Variants in AKAP13 observed in about 807,000 individuals in gnomAD.
AKAP13 encodes the protein A-kinase anchoring protein 13.
In AKAP13, 80 loss-of-function variants were observed where a neutral mutation model predicts 264.5. The observed-to-expected ratio is 0.30, with a 90% CI of 0.25 to 0.36. The LOEUF is 0.36. Among genes scored for constraint, AKAP13 ranks in the 10% least tolerant of loss-of-function variants. The pLI is 1.00. For synonymous variants in AKAP13, 1,380 were observed against 1,250.2 expected (o/e 1.10, Z -2.19); for missense variants, 3,712 against 3,435.2 (o/e 1.08, Z -2.01).
chr15:85,606,090 C>CTTTTTTTTTT (rs369008646), intron 8 of AKAP13, among the ~76,000 whole-genome samples: 1,247 of 88,114 alleles, frequency 0.014, 160 homozygotes, highest in Non-Finnish European at 0.019. Flanking sequence ...GTTTGATCTA[C>CTTTTTTTTTT]TTTTTTTTTT....
chr15:85,464,032 G>T (rs1246886613), intron 1 of AKAP13, among the ~76,000 whole-genome samples: 1 of 152,150 alleles, frequency 6.6e-6, no homozygotes, highest in Non-Finnish European at 1.5e-5. Context: ...CCGAGGCCCT[G>T]TTCCTACTTC....
rs888063078 is a variant in AKAP13, at chr15:85,746,990, C to G, written c.*2313C>G. 1.3e-5 allele frequency: 2 copies of G among 152,246 alleles called. No individual in the cohort carries two copies. The highest frequency in any genetic ancestry group is 4.8e-5 in the African/African-American group (2 of 41,460). 9.4% of individuals were successfully genotyped at this position (152,246 alleles called of 1,614,324 possible). ...GACATCAATGTTAGAGGGTCTCTTA[C>G]TCCCCGCCCAGCTGTGATGTTTCAT... On this transcript the variant is annotated 3_prime_UTR_variant, in exon 37 of 37. Coordinates refer to ENST00000394518, the MANE Select transcript of AKAP13 (RefSeq NM_007200.5).
chr15:85,486,389 C>T (rs957249185), intron 2 of AKAP13, among the ~76,000 whole-genome samples: 6 of 151,988 alleles, frequency 3.9e-5, no homozygotes, highest in Non-Finnish European at 7.4e-5. Context: ...TTAGTTAGCT[C>T]TTACATTTAG....
intron 10 of AKAP13, among the ~76,000 whole-genome samples, chr15:85,648,452 G>A (rs911543588): frequency 6.6e-6 from 1 of 151,958 alleles, no homozygotes; most frequent in Non-Finnish European, 1.5e-5. Context: ...TCTATATTTC[G>A]CCGTCTTATT....
chr15:85,716,121 A>G (rs2086921473), intron 20 of AKAP13, among the ~76,000 whole-genome samples, 198 bp downstream of exon 20: 1 of 152,034 alleles, frequency 6.6e-6, no homozygotes, highest in African/African-American at 2.4e-5. Flanking sequence ...ATCTCCTTTA[A>G]ATACCCTTAG....
At chr15:85,518,331 C>G (rs1031033760) in intron 2 of AKAP13, among the ~76,000 whole-genome samples, 9 of 152,138 alleles carry the variant, frequency 5.9e-5, no homozygotes, top group Non-Finnish European at 1.2e-4. Context: ...GGCTGAAATG[C>G]AGTTTGTTAT....
At chr15:85,382,943 T>G (rs188428855) in intron 1 of AKAP13, among the ~76,000 whole-genome samples, 1 of 152,232 alleles carries the variant, frequency 6.6e-6, no homozygotes, top group African/African-American at 2.4e-5. Flanking sequence ...TTTAAAAGGA[T>G]TTCTAACCTT....
At chr15:85,502,854 C>T (rs1334001360) in intron 2 of AKAP13, among the ~76,000 whole-genome samples, 1 of 152,114 alleles carries the variant, frequency 6.6e-6, no homozygotes, top group Non-Finnish European at 1.5e-5. Flanking sequence ...TTTCGTAAGA[C>T]TTATTTGCCA....
chr15:85,434,189 C>T lies in AKAP13; in HGVS notation c.-11-51521C>T, dbSNP rs941251497. Among the ~76,000 whole-genome samples, 12 of 151,236 alleles carry T rather than the reference C, an allele frequency of 7.9e-5. No homozygotes were observed. In the South Asian group the frequency reaches 1.1e-3, roughly 13 times the overall value. On this transcript the variant is annotated intron_variant, in intron 1 of 36. Transcript: ENST00000394518. Reference sequence around the variant, plus strand: ...GCAAGGGGTCAGGGAGTTCCCTTTCCGAGTCAAAGAAAGGGGTGACGGACG... The same window carrying T: ...GCAAGGGGTCAGGGAGTTCCCTTTCTGAGTCAAAGAAAGGGGTGACGGACG...
chr15:85,483,962 G>T (rs527692618), intron 1 of AKAP13, among the ~76,000 whole-genome samples: 1 of 152,040 alleles, frequency 6.6e-6, no homozygotes, highest in African/African-American at 2.4e-5. Flanking sequence ...AAGATTGGAC[G>T]ACACTCTTTT....
At chr15:85,640,578 T>C (rs765645615) in intron 9 of AKAP13, among the ~76,000 whole-genome samples, 4 of 152,248 alleles carry the variant, frequency 2.6e-5, no homozygotes, top group Non-Finnish European at 5.9e-5. Context: ...AAGGATATTA[T>C]GCTATAGTTG....
At chr15:85,678,856 G>A (rs1246554549) in intron 14 of AKAP13, among the ~76,000 whole-genome samples, 3 of 151,598 alleles carry the variant, frequency 2.0e-5, no homozygotes, top group African/African-American at 7.3e-5. Context: ...GTGACAGAGT[G>A]AGATCACTTC....
At chr15:85,410,603 G>A (rs1233037153) in intron 1 of AKAP13, among the ~76,000 whole-genome samples, 1 of 151,498 alleles carries the variant, frequency 6.6e-6, no homozygotes, top group East Asian at 1.9e-4. Flanking sequence ...TTGGACTGGG[G>A]TAAGATGCTT....
At chr15:85,715,464 C>T (rs1229405289) in intron 19 of AKAP13, among the ~76,000 whole-genome samples, 4 of 152,004 alleles carry the variant, frequency 2.6e-5, no homozygotes, top group Admixed American at 6.6e-5. Context: ...ATTGCTGGAT[C>T]GAAGAATATA....
chr15:85,555,605 G>T, intron 5 of AKAP13: 1 of 638,704 alleles, frequency 1.6e-6, no homozygotes, highest in South Asian at 1.5e-5. Flanking sequence ...TTCCCTGAAG[G>T]ACTTGTGTTG....
At position 85,579,168 on chromosome 15, in the gene AKAP13, G is replaced by A. The variant is rs367656156; in HGVS notation, c.1100G>A (p.Arg367His). 115 of 1,614,146 alleles carry A rather than the reference G, an allele frequency of 7.1e-5. No individual in the cohort carries two copies. Among genetic ancestry groups the A allele is most frequent in the South Asian group, 2.3e-4 (21 of 91,072 alleles). ...ATAGTTGAGGAGGAGAATACAGACC[G>A]TTCCTGTAGGAAGAAAAATAAAGGC... ...SSIVEEENTDRSCRKKNKGVE... is the reference protein window; with the variant it reads ...SSIVEEENTDHSCRKKNKGVE... The change falls in exon 7 of 37, where the codon CGT becomes CAT. Residue 367 changes from arginine (R) to histidine (H), a missense_variant. Physicochemically the swap from Arg to His is conservative, Grantham distance 29 (BLOSUM62 0). This residue lies in a region of AKAP13 where 2,759 missense variants were observed against 2,411.7 expected (regional missense o/e 1.14). Coordinates refer to ENST00000394518, the MANE Select transcript of AKAP13 (RefSeq NM_007200.5).
chr15:85,597,270 G>C (rs2079859854), intron 8 of AKAP13, among the ~76,000 whole-genome samples: 1 of 152,134 alleles, frequency 6.6e-6, no homozygotes, highest in African/African-American at 2.4e-5. Flanking sequence ...TCCCCAAAGA[G>C]CTAGCATGCT....
intron 1 of AKAP13, among the ~76,000 whole-genome samples, chr15:85,475,801 T>C (rs1380345394): frequency 2.0e-5 from 3 of 152,184 alleles, no homozygotes; most frequent in Admixed American, 6.5e-5. Context: ...TAACTGTGGA[T>C]CCCTTGCCAT....
intron 1 of AKAP13, among the ~76,000 whole-genome samples, chr15:85,458,386 G>GTTTTTTTTTTTTTTTTTTTTTTTT (rs1160050565): frequency 4.8e-5 from 5 of 103,932 alleles, no homozygotes; most frequent in African/African-American, 2.0e-4. Flanking sequence ...TGTATTTTTT[G>GTTTTTTTTTTTTTTTTTTTTTTTT]TTTTTTGTTT....
Sources: gnomAD v4.1 joint callset for allele counts (sites outside exome capture counted in the v4.1 genomes callset) on GRCh38, gnomAD v4.1.1 for gene constraint, gnomAD v4.1.1 regional missense constraint, MANE v1.5 for transcripts, NCBI Gene and HGNC (gene_info 2026-07-23, HGNC 2026-07-21) for gene names.